The following MCAT variants were observed in gnomAD, a reference collection of about 807,000 sequenced individuals.
MCAT encodes malonyl-CoA-acyl carrier protein transacylase, mitochondrial.
A neutral mutation model predicts 22.9 loss-of-function variants in MCAT; 22 were observed. That is an observed-to-expected ratio of 0.96 (90% CI 0.69 to 1.37). MCAT has a LOEUF of 1.37. Among genes scored for constraint, MCAT ranks in the 40% most tolerant of loss-of-function variants. The pLI is 0.00. For missense variants in MCAT, 534 were observed against 533.6 expected (o/e 1.00, Z -0.01); for synonymous variants, 240 against 233.9 (o/e 1.03, Z -0.24).
At chr22:43,134,807 G>T (rs1394110569) in intron 3 of MCAT, among the ~76,000 whole-genome samples, 1 of 152,240 alleles carries the variant, frequency 6.6e-6, no homozygotes, top group African/African-American at 2.4e-5. Flanking sequence ...CCATCCCACT[G>T]AGGCTGGACC....
rs980888019 is a variant in MCAT, at chr22:43,133,169, G to A, written c.1047C>T (p.Gly349=). The A allele has an allele frequency of 6.2e-7, 1 of 1,614,106 alleles. No individual in the cohort carries two copies. Among genetic ancestry groups the A allele is most frequent in the Non-Finnish European group, 8.5e-7 (1 of 1,180,042 alleles). The change falls in exon 4 of 4, where the codon GGC becomes GGT. Residue 349 remains glycine, a synonymous_variant. Coordinates refer to ENST00000290429, the MANE Select transcript of MCAT (RefSeq NM_173467.5). ...GRGFPQTFEV[G]PGRQLGAILK... is the part of the protein sequence containing the mutation. ...GGATGGCTCCCAGCTGCCTGCCAGG[G>A]CCTACTTCGAAAGTTTGGGGGAACC...
chr22:43,141,196 G>A lies in MCAT; in HGVS notation c.477C>T (p.Ala159=), dbSNP rs1035725658. 3.7e-6 allele frequency: 6 copies of A among 1,613,952 alleles called. No homozygotes were observed. The Middle Eastern group carries it at 4.9e-4, about 133-fold the overall frequency. Residue 159 remains alanine, a synonymous_variant, in exon 2 of 4, where the codon GCC becomes GCT. Coordinates refer to ENST00000290429, the MANE Select transcript of MCAT (RefSeq NM_173467.5). Reference sequence around the variant, plus strand: ...ATTCCATGGCTCCGGCAAACACTAGGGCTGCAAACTCTCCCACACTGAATC... The same window carrying A: ...ATTCCATGGCTCCGGCAAACACTAGAGCTGCAAACTCTCCCACACTGAATC... ...AAGFSVGEFA[A]LVFAGAMEFA... is the part of the protein sequence containing the mutation.
chr22:43,133,861 A>C (rs939744927), intron 3 of MCAT, among the ~76,000 whole-genome samples: 11 of 148,190 alleles, frequency 7.4e-5, no homozygotes, highest in Admixed American at 1.4e-4. Context: ...GCTGGAGTGC[A>C]GTGGCACAAT....
rs1321680519 is a variant in MCAT at position 43,143,039 on chromosome 22, C to G, written c.310G>C (p.Glu104Gln). The G allele has an allele frequency of 1.9e-6, 3 of 1,610,522 alleles. No homozygotes were observed. Among genetic ancestry groups the G allele is most frequent in the Non-Finnish European group, 8.5e-7 (1 of 1,179,130 alleles). ...TCCTGCGGCCCGTGCAGGCTCAGTT[C>G]CAGCAGGTCGTAGCCCAGCACGCGG... ...ARRVLGYDLL[E>Q]LSLHGPQETL... Residue 104 changes from glutamate (E) to glutamine (Q), a missense_variant, in exon 1 of 4, where the codon GAA (glutamate) becomes CAA (glutamine). Transcript: ENST00000290429.
chr22:43,136,332 C>T (rs1476070690), intron 3 of MCAT, among the ~76,000 whole-genome samples: 3 of 152,232 alleles, frequency 2.0e-5, no homozygotes, highest in Non-Finnish European at 4.4e-5. Context: ...ATGCCTGGCC[C>T]GGGCAGCAGC....
intron 3 of MCAT, among the ~76,000 whole-genome samples, chr22:43,133,836 C>T (rs552122492): frequency 6.7e-5 from 10 of 148,418 alleles, no homozygotes; most frequent in Admixed American, 2.7e-4. Context: ...GACGGTGTCT[C>T]GCTCTGTGGC....
At chr22:43,142,774 C>CAAAAA (rs151166687) in intron 1 of MCAT, 152 bp downstream of exon 1, 230 of 681,354 alleles carry the variant, frequency 3.4e-4, no homozygotes, top group African/African-American at 2.4e-3. Context: ...GACTCCGTCT[C>CAAAAA]AAAAAAAAAA....
chr22:43,138,562 C>A (rs527618558), intron 2 of MCAT, among the ~76,000 whole-genome samples: 16 of 152,228 alleles, frequency 1.1e-4, no homozygotes, highest in African/African-American at 3.9e-4. Flanking sequence ...CATGGTAAAA[C>A]CCTGTCACTA....
Position 43,137,079 on chromosome 22 carries a change from A to G in MCAT, c.729+2T>C, listed in dbSNP as rs1487413491. On this transcript the variant is annotated splice_donor_variant, in intron 3 of 3. Coordinates refer to ENST00000290429, the MANE Select transcript of MCAT (RefSeq NM_173467.5). LOFTEE classifies it high-confidence loss of function. ...ATGAAGGCAGTTCCCATCAACACCCACCTCTTGGTGTCCTGAAATCACCCT... is the reference window on the plus strand; with the variant it reads ...ATGAAGGCAGTTCCCATCAACACCCGCCTCTTGGTGTCCTGAAATCACCCT... 1 of 1,613,706 alleles carries G rather than the reference A, an allele frequency of 6.2e-7. No individual in the cohort carries two copies. Among genetic ancestry groups the G allele is most frequent in the African/African-American group, 1.3e-5 (1 of 74,878 alleles).
At chr22:43,135,168 C>T (rs1365623540) in intron 3 of MCAT, among the ~76,000 whole-genome samples, 2 of 152,370 alleles carry the variant, frequency 1.3e-5, no homozygotes, top group Admixed American at 1.3e-4. Context: ...GAGGGGGTAC[C>T]CCTGCCCTCA....
chr22:43,138,976 A>G (rs1930695176), intron 2 of MCAT, among the ~76,000 whole-genome samples: 1 of 152,154 alleles, frequency 6.6e-6, no homozygotes, highest in Admixed American at 6.6e-5. Flanking sequence ...GAGGACAAAT[A>G]CATAAACAGC....
chr22:43,143,160 G>A lies in MCAT; in HGVS notation c.189C>T (p.Ser63=). The change falls in exon 1 of 4, where the codon TCC becomes TCT. Residue 63 remains serine (S), a synonymous_variant. Transcript: ENST00000290429. ...ATERRMPGQC[S]VLLFPGQGSQ... ...TGCCCTGGCCCGGGAAGAGCAGCAC[G>A]GAGCACTGGCCCGGCATTCGCCGCT... is the stretch of plus-strand genomic sequence containing the variant. 2 of 1,576,246 alleles carry A rather than the reference G, an allele frequency of 1.3e-6. No individual in the cohort carries two copies. Among genetic ancestry groups the A allele is most frequent in the Non-Finnish European group, 1.7e-6 (2 of 1,168,860 alleles).
chr22:43,142,579 G>T (rs1370777419), intron 1 of MCAT, among the ~76,000 whole-genome samples: 6 of 151,954 alleles, frequency 3.9e-5, no homozygotes, highest in African/African-American at 7.3e-5. Context: ...GAGGTCAGGA[G>T]ATCAAGACCA....
In MCAT at chr22:43,137,294, C is replaced by T. The variant is rs1289435896; in HGVS notation, c.516G>A (p.Leu172=). The change falls in exon 3 of 4, where the codon TTG becomes TTA. Residue 172 remains leucine (L), a synonymous_variant. Coordinates refer to ENST00000290429, the MANE Select transcript of MCAT (RefSeq NM_173467.5). ...CCTCAGCTCGGATTTTCACTGCATACAAACCTGGCCAGAGAGAAGCGCATT... is the reference window on the plus strand; with the variant it reads ...CCTCAGCTCGGATTTTCACTGCATATAAACCTGGCCAGAGAGAAGCGCATT... ...FAGAMEFAEG[L]YAVKIRAEAM... 1 of 1,613,026 alleles carries T rather than the reference C, an allele frequency of 6.2e-7. No individual in the cohort carries two copies. Among genetic ancestry groups the T allele is most frequent in the Admixed American group, 1.7e-5 (1 of 59,974 alleles).
rs750140449 is a variant in MCAT, at chr22:43,141,259, C to T, written c.424-10G>A. ...CACAGTTCTCAATCACCTGTGGGGACAGATGCAGAACGTGAGCCCTCACTC... is the reference window on the plus strand; with the variant it reads ...CACAGTTCTCAATCACCTGTGGGGATAGATGCAGAACGTGAGCCCTCACTC... On this transcript the variant is annotated splice_polypyrimidine_tract_variant and intron_variant, in intron 1 of 3. Coordinates refer to ENST00000290429, the MANE Select transcript of MCAT (RefSeq NM_173467.5). 13 of 1,611,698 alleles carry T rather than the reference C, an allele frequency of 8.1e-6. No individual in the cohort carries two copies. In the South Asian group the frequency reaches 1.4e-4, roughly 18 times the overall value.
At position 43,133,226 on chromosome 22, in the gene MCAT, C is replaced by T; in HGVS notation, c.990G>A (p.Met330Ile). The T allele has an allele frequency of 2.5e-6, 4 of 1,614,246 alleles. No individual in the cohort carries two copies. Among genetic ancestry groups the T allele is most frequent in the Non-Finnish European group, 3.4e-6 (4 of 1,180,036 alleles). The change falls in exon 4 of 4, where the codon ATG becomes ATA. Residue 330 changes from methionine (M) to isoleucine (I), a missense_variant. Physicochemically the swap from Met to Ile is conservative, Grantham distance 10. Transcript: ENST00000290429. ...CCTTTTTCCTTTCGTATATGGCATG[C>T]ATCGTCTGCTCCCACTTCACTGGGG... is the stretch of plus-strand genomic sequence containing the variant. ...LVSPVKWEQT[M>I]HAIYERKKGR...
At chr22:43,142,294 C>T (rs1930789766) in intron 1 of MCAT, among the ~76,000 whole-genome samples, 1 of 152,064 alleles carries the variant, frequency 6.6e-6, no homozygotes, top group Non-Finnish European at 1.5e-5. Flanking sequence ...TTTGGGAGGC[C>T]GAGGTGGGTG....
At position 43,133,483 on chromosome 22, in the gene MCAT, G is replaced by A. The variant is rs1555973312; in HGVS notation, c.733C>T (p.Leu245=). The A allele has an allele frequency of 6.2e-7, 1 of 1,604,218 alleles. No individual in the cohort carries two copies. Among genetic ancestry groups the A allele is most frequent in the Non-Finnish European group, 8.5e-7 (1 of 1,175,108 alleles). The change falls in exon 4 of 4, where the codon CTA becomes TTA. Residue 245 remains leucine (L), a synonymous_variant. Transcript: ENST00000290429. ...GAGGAATTCTTCTGGAGAAACCGTAGAGCCTGGGGAAGGAAGGAGGTTTCA... is the reference window on the plus strand; with the variant it reads ...GAGGAATTCTTCTGGAGAAACCGTAAAGCCTGGGGAAGGAAGGAGGTTTCA... ...CRVISGHQEA[L]RFLQKNSSKF... is the part of the protein sequence containing the mutation.
At position 43,142,799 on chromosome 22, in the gene MCAT, A is replaced by AC. The variant is rs1024244188; in HGVS notation, c.423+126_423+127insG. ...CAAAAAAAAAAACAAAAACAAACAAAAAAAAAAACTCGATCGAATGAGTAA... is the reference window on the plus strand; with the variant it reads ...CAAAAAAAAAAACAAAAACAAACAAACAAAAAAAACTCGATCGAATGAGTAA... On this transcript the variant is annotated intron_variant, in intron 1 of 3. Coordinates refer to ENST00000290429, the MANE Select transcript of MCAT (RefSeq NM_173467.5). 72 of 1,077,316 alleles carry AC rather than the reference A, an allele frequency of 6.7e-5. 1 individual carries two copies. In the African/African-American group the frequency reaches 8.3e-4, roughly 12 times the overall value. The allele number at this position is 1,077,316 out of a possible 1,614,324, so 66.7% of individuals were successfully genotyped here.
Sources: allele counts gnomAD v4.1 joint callset (sites outside exome capture counted in the v4.1 genomes callset), GRCh38; gene constraint gnomAD v4.1.1; transcripts MANE v1.5; gene names NCBI Gene and HGNC (gene_info 2026-07-23, HGNC 2026-07-21).